Variants in ZCCHC14 observed in about 807,000 individuals in gnomAD.
ZCCHC14 encodes the protein zinc finger CCHC domain-containing protein 14.
A neutral mutation model predicts 85.0 loss-of-function variants in ZCCHC14; 16 were observed. The observed-to-expected ratio is 0.19, with a 90% CI of 0.13 to 0.29. ZCCHC14 has a LOEUF of 0.29. ZCCHC14 is among the 10% of genes least tolerant of loss of function. The pLI is 1.00. For synonymous variants in ZCCHC14, 775 were observed against 630.7 expected (o/e 1.23, Z -3.43); for missense variants, 1,303 against 1,443.5 (o/e 0.90, Z 1.58).
chr16:87,418,819 T>C, intron 7 of ZCCHC14, 28 bp downstream of exon 7: 2 of 1,605,414 alleles, frequency 1.2e-6, no homozygotes, highest in Non-Finnish European at 1.7e-6. Context: ...TTATCTGAAC[T>C]GTGCTGGTTA....
At chr16:87,436,460 G>A (rs1909926445) in intron 2 of ZCCHC14, among the ~76,000 whole-genome samples, 1 of 152,268 alleles carries the variant, frequency 6.6e-6, no homozygotes. Flanking sequence ...CACAAGGAGT[G>A]AGGGGCCGGG....
intron 3 of ZCCHC14, among the ~76,000 whole-genome samples, chr16:87,425,625 A>G (rs943364916): frequency 1.3e-5 from 2 of 152,092 alleles, no homozygotes; most frequent in African/African-American, 2.4e-5. Context: ...AAAATGTTTG[A>G]GCTCCTTCTC....
rs1909037810 is a variant in ZCCHC14 at position 87,420,511 on chromosome 16, T to C, written c.950+96A>G. On this transcript the variant is annotated intron_variant, in intron 5 of 12. Coordinates refer to ENST00000671377, the MANE Select transcript of ZCCHC14 (RefSeq NM_015144.3). The surrounding 1 kb of genome is among the most constrained non-coding windows in gnomAD (Gnocchi z 5.0). Reference sequence around the variant, plus strand: ...AGACCCAGGTCCAGGTGACCGCGCATCCTCCCAGAGCTCCTTGGAGGACCA... The same window carrying C: ...AGACCCAGGTCCAGGTGACCGCGCACCCTCCCAGAGCTCCTTGGAGGACCA... 5.1e-6 allele frequency: 5 copies of C among 979,094 alleles called. No homozygotes were observed. Among genetic ancestry groups the C allele is most frequent in the Admixed American group, 2.7e-5 (1 of 36,624 alleles). The allele number at this position is 979,094 out of a possible 1,614,324, so 60.7% of individuals were successfully genotyped here. A position where few individuals can be genotyped will look rare whatever the true frequency, so the allele number is the denominator to read the frequency against.
At chr16:87,479,242 C>T (rs1296827126) in intron 1 of ZCCHC14, among the ~76,000 whole-genome samples, 3 of 151,788 alleles carry the variant, frequency 2.0e-5, no homozygotes, top group Non-Finnish European at 4.4e-5. Context: ...ATAGTGAAAC[C>T]CTGTCTCTAC....
chr16:87,433,786 C>T (rs1401496001), intron 2 of ZCCHC14, among the ~76,000 whole-genome samples: 1 of 151,956 alleles, frequency 6.6e-6, no homozygotes, highest in Non-Finnish European at 1.5e-5. Context: ...GGATTACAGG[C>T]GCATGCACCA....
intron 2 of ZCCHC14, among the ~76,000 whole-genome samples, chr16:87,438,711 G>A (rs1052003755): frequency 6.6e-6 from 1 of 152,198 alleles, no homozygotes; most frequent in African/African-American, 2.4e-5. Flanking sequence ...TTCACACGAG[G>A]CCTGGGCCCA....
rs557892287 is a variant in ZCCHC14 at position 87,431,729 on chromosome 16, C to T, written c.768+1399G>A. Among the ~76,000 whole-genome samples, 34 of 152,238 alleles carry T rather than the reference C, an allele frequency of 2.2e-4. No individual in the cohort carries two copies. The South Asian group carries it at 2.3e-3, about 10-fold the overall frequency. On this transcript the variant is annotated intron_variant, in intron 3 of 12. Coordinates refer to ENST00000671377, the MANE Select transcript of ZCCHC14 (RefSeq NM_015144.3). ...ACCAGTATCTGAAGAGGCCTGACAC[C>T]GCAATGCAAGGAATGAAGGAAGGTG...
intron 8 of ZCCHC14, 32 bp from the exon 9 acceptor site, chr16:87,415,399 G>A (rs573663645): frequency 2.1e-5 from 33 of 1,583,288 alleles, no homozygotes; most frequent in East Asian, 1.6e-4. Flanking sequence ...ACAAAGTTAC[G>A]GAGACATAAG....
chr16:87,460,195 T>C, intron 1 of ZCCHC14, 64 bp from the exon 2 acceptor site: 2 of 1,571,934 alleles, frequency 1.3e-6, no homozygotes, highest in Non-Finnish European at 1.7e-6. Flanking sequence ...ACAATTTTAT[T>C]TGTTAATTAA....
chr16:87,456,086 C>G (rs1910945580), intron 2 of ZCCHC14, among the ~76,000 whole-genome samples: 1 of 152,130 alleles, frequency 6.6e-6, no homozygotes, highest in Non-Finnish European at 1.5e-5. Context: ...GAAACTTTTT[C>G]AACTTTACCG....
At chr16:87,443,583 A>C (rs1353565514) in intron 2 of ZCCHC14, among the ~76,000 whole-genome samples, 2 of 152,106 alleles carry the variant, frequency 1.3e-5, no homozygotes, top group Non-Finnish European at 2.9e-5. Context: ...TAAAAATTTA[A>C]AAAATTAGCT....
In ZCCHC14 at chr16:87,483,830, T is replaced by C. The variant is rs1263923990; in HGVS notation, c.570+7839A>G. On this transcript the variant is annotated intron_variant, in intron 1 of 12. Transcript: ENST00000671377. ...CACTTCCAGATTTCTACTCCACAGGTAGACTTACCTGAATGTGAAAGGTCC... is the reference window on the plus strand; with the variant it reads ...CACTTCCAGATTTCTACTCCACAGGCAGACTTACCTGAATGTGAAAGGTCC... Among the ~76,000 whole-genome samples, 4 of 152,328 alleles carry C rather than the reference T, an allele frequency of 2.6e-5. No homozygotes were observed. The South Asian group carries it at 6.2e-4, about 24-fold the overall frequency.
Position 87,491,572 on chromosome 16 carries a change from C to T in ZCCHC14, c.570+97G>A. On this transcript the variant is annotated intron_variant, in intron 1 of 12. Transcript: ENST00000671377. The surrounding 1 kb of genome is among the most constrained non-coding windows in gnomAD (Gnocchi z 5.9). ...GGGAGCTCTCAGTGCAGGCTGGAGG[C>T]GTGGGTCGGGGGGTCGCGGTGCAGG... 8.8e-7 allele frequency: 1 copy of T among 1,142,622 alleles called. No individual in the cohort carries two copies. Among genetic ancestry groups the T allele is most frequent in the Non-Finnish European group, 1.1e-6 (1 of 883,336 alleles). The allele number at this position is 1,142,622 out of a possible 1,614,324, so 70.8% of individuals were successfully genotyped here.
At chr16:87,413,216 A>C in intron 10 of ZCCHC14, 21 bp from the exon 11 acceptor site, 1 of 1,515,916 alleles carries the variant, frequency 6.6e-7, no homozygotes, top group Non-Finnish European at 8.8e-7. Context: ...GGGACAGAGG[A>C]GCAGCCATCA....
chr16:87,439,728 C>T (rs887163007), intron 2 of ZCCHC14, among the ~76,000 whole-genome samples: 3 of 152,178 alleles, frequency 2.0e-5, no homozygotes, highest in South Asian at 4.1e-4. Context: ...AAACCACATA[C>T]ATTTTAAACA....
At chr16:87,451,653 G>A (rs561722502) in intron 2 of ZCCHC14, among the ~76,000 whole-genome samples, 1 of 152,370 alleles carries the variant, frequency 6.6e-6, no homozygotes, top group East Asian at 1.9e-4. Context: ...AAGGTTCAAA[G>A]AAGTGATGCT....
chr16:87,427,410 A>T (rs973806463), intron 3 of ZCCHC14, among the ~76,000 whole-genome samples: 1 of 152,096 alleles, frequency 6.6e-6, no homozygotes, highest in Non-Finnish European at 1.5e-5. Flanking sequence ...TTGGGGTATG[A>T]ACTTTTTTTT....
intron 1 of ZCCHC14, among the ~76,000 whole-genome samples, chr16:87,464,506 AG>A (rs1911428520): frequency 6.6e-6 from 1 of 152,224 alleles, no homozygotes; most frequent in Admixed American, 6.5e-5. Flanking sequence ...CCACGCAGAC[AG>A]GAAGAGCTAA....
At chr16:87,461,762 G>A (rs964571111) in intron 1 of ZCCHC14, among the ~76,000 whole-genome samples, 1 of 152,232 alleles carries the variant, frequency 6.6e-6, no homozygotes, top group African/African-American at 2.4e-5. Flanking sequence ...AGCACCTGCT[G>A]TATTCCACAG....
Sources: allele counts gnomAD v4.1 joint callset (sites outside exome capture counted in the v4.1 genomes callset), GRCh38; gene constraint gnomAD v4.1.1; non-coding constraint Gnocchi (gnomAD v3.1); transcripts MANE v1.5; gene names NCBI Gene and HGNC (gene_info 2026-07-23, HGNC 2026-07-21).